Variants in POTEC observed in about 807,000 individuals in gnomAD.
POTEC encodes POTE ankyrin domain family member C, also known as ANKRD26-like family B member 2.
A neutral mutation model predicts 62.0 loss-of-function variants in POTEC; 35 were observed. The ratio of observed to expected loss-of-function variants is 0.56; its 90% CI spans 0.43 to 0.75. POTEC has a LOEUF of 0.75. POTEC is among the 30% of genes least tolerant of loss of function. The pLI is 0.00. For synonymous variants in POTEC, 156 were observed against 221.5 expected, an observed-to-expected ratio of 0.70 and a Z score of 2.62; for missense variants, 472 against 655.9, an observed-to-expected ratio of 0.72 and a Z score of 3.06.
At chr18:14,522,454 C>T (rs1454129952) in intron 8 of POTEC, 34 bp from the exon 9 acceptor site, 5 of 1,408,486 alleles carry the variant, frequency 3.5e-6, no homozygotes. Flanking sequence ...GGATGGTTAT[C>T]ACTTTATTGA....
chr18:14,517,625 G>C (rs1265004284), intron 9 of POTEC, among the ~76,000 whole-genome samples: 1 of 152,022 alleles, frequency 6.6e-6, no homozygotes, highest in Admixed American at 6.6e-5. Flanking sequence ...ACTTTGAAAG[G>C]CCGAAGTGGG....
At chr18:14,539,115 T>C (rs954381426) in intron 1 of POTEC, among the ~76,000 whole-genome samples, 1 of 152,136 alleles carries the variant, frequency 6.6e-6, no homozygotes, top group Non-Finnish European at 1.5e-5. Flanking sequence ...CAAAGAAAAC[T>C]TGAAATTCAA....
At position 14,539,289 on chromosome 18, in the gene POTEC, G is replaced by A. The variant is rs576587269; in HGVS notation, c.522-1040C>T. Reference sequence around the variant, plus strand: ...GGAGCTTTTTTCAACTTTTACATTCGGGGATACAGGTGCAGGATGTGCAGG... The same window carrying A: ...GGAGCTTTTTTCAACTTTTACATTCAGGGATACAGGTGCAGGATGTGCAGG... On this transcript the variant is annotated intron_variant, in intron 1 of 10. Transcript: ENST00000358970. Among the ~76,000 whole-genome samples, 877 of 150,912 alleles carry A rather than the reference G, an allele frequency of 5.8e-3. 4 individuals are homozygous for A. The highest frequency in any genetic ancestry group is 0.017 in the African/African-American group (685 of 40,534).
At chr18:14,514,031 T>A (rs1357193349) in intron 9 of POTEC, among the ~76,000 whole-genome samples, 2 of 151,058 alleles carry the variant, frequency 1.3e-5, no homozygotes, top group Admixed American at 1.3e-4. Context: ...TTCAAGCACA[T>A]TACATACATT....
chr18:14,522,171 T>A (rs1910328529), intron 9 of POTEC, 83 bp downstream of exon 9: 2 of 1,583,178 alleles, frequency 1.3e-6, no homozygotes, highest in African/African-American at 2.7e-5. Context: ...AGTATAAAAT[T>A]TGTTCATCAT....
intron 6 of POTEC, among the ~76,000 whole-genome samples, chr18:14,526,470 G>A (rs997069891): frequency 2.0e-5 from 3 of 152,010 alleles, no homozygotes; most frequent in African/African-American, 4.8e-5. Flanking sequence ...TACATGCTAG[G>A]TGTTAGGGTT....
At chr18:14,523,672 A>T (rs1910364565) in intron 7 of POTEC, among the ~76,000 whole-genome samples, 165 bp from the exon 8 acceptor site, 1 of 151,882 alleles carries the variant, frequency 6.6e-6, no homozygotes, top group Admixed American at 6.6e-5. Flanking sequence ...AAATAAATAA[A>T]TAATTAAAAT....
intron 1 of POTEC, among the ~76,000 whole-genome samples, chr18:14,540,214 T>C (rs1258533203): frequency 6.6e-6 from 1 of 151,820 alleles, no homozygotes; most frequent in African/African-American, 2.4e-5. Context: ...CTGAAGAGGG[T>C]AAAAGTTCAC....
At chr18:14,536,591 T>C (rs1905720749) in intron 3 of POTEC, among the ~76,000 whole-genome samples, 1 of 151,798 alleles carries the variant, frequency 6.6e-6, no homozygotes, top group Non-Finnish European at 1.5e-5. Flanking sequence ...TCTATCAAAA[T>C]CTTCAGGGGA....
At chr18:14,541,368 G>T (rs1156815809) in intron 1 of POTEC, among the ~76,000 whole-genome samples, 1 of 152,074 alleles carries the variant, frequency 6.6e-6, no homozygotes, top group African/African-American at 2.4e-5. Flanking sequence ...TATATATGCC[G>T]GTTTCAGAGG....
chr18:14,537,217 A>AC (rs1905766473), intron 3 of POTEC, among the ~76,000 whole-genome samples: 2 of 132,318 alleles, frequency 1.5e-5, no homozygotes, highest in African/African-American at 2.8e-5. Context: ...ACACAAAAAA[A>AC]AAAAAAAACA....
At chr18:14,537,212 A>ACACACACAC (rs1905763794) in intron 3 of POTEC, among the ~76,000 whole-genome samples, 1,768 of 60,062 alleles carry the variant, frequency 0.029, 11 homozygotes, top group Middle Eastern at 0.048. Context: ...CACACACACA[A>ACACACACAC]AAAAAAAAAA....
intron 4 of POTEC, among the ~76,000 whole-genome samples, chr18:14,533,918 G>GT (rs1905616949): frequency 4.7e-5 from 6 of 128,340 alleles, no homozygotes; most frequent in African/African-American, 1.5e-4. Context: ...TTTTGTTTTT[G>GT]TTTTGTTATT....
chr18:14,532,004 C>CCACA (rs1487231467), intron 5 of POTEC, among the ~76,000 whole-genome samples: 1 of 151,322 alleles, frequency 6.6e-6, no homozygotes, highest in Non-Finnish European at 1.5e-5. Context: ...AAGGGGCCAA[C>CCACA]CACAGCTGGG....
Position 14,507,364 on chromosome 18 carries a change from G to T in POTEC, c.*4534C>A, listed in dbSNP as rs966012781. 6.6e-6 allele frequency: 1 copy of T among 150,620 alleles called. No individual in the cohort carries two copies. Among genetic ancestry groups the T allele is most frequent in the Non-Finnish European group, 1.5e-5 (1 of 67,800 alleles). The allele number at this position is 150,620 out of a possible 1,614,324, so 9.3% of individuals were successfully genotyped here. A position where few individuals can be genotyped will look rare whatever the true frequency, so the allele number is the denominator to read the frequency against. ...TTTTTTTTTTTTTAAATCTTTATTG[G>T]TATAGTCTGTTTTGTCAGAAACTAG... On this transcript the variant is annotated 3_prime_UTR_variant, in exon 11 of 11. Coordinates refer to ENST00000358970, the MANE Select transcript of POTEC (RefSeq NM_001137671.2).
intron 6 of POTEC, among the ~76,000 whole-genome samples, chr18:14,529,392 G>A (rs1393479387): frequency 2.0e-5 from 3 of 152,062 alleles, no homozygotes; most frequent in Admixed American, 2.0e-4. Flanking sequence ...GCACAGAAAT[G>A]AAATAGAGAC....
At chr18:14,524,741 TTGC>T (rs1468527275) in intron 7 of POTEC, among the ~76,000 whole-genome samples, 169 bp downstream of exon 7, 1 of 151,910 alleles carries the variant, frequency 6.6e-6, no homozygotes, top group Non-Finnish European at 1.5e-5. Context: ...GTTAATGAGA[TTGC>T]TGAATTTATT....
At chr18:14,524,413 G>A (rs187636639) in intron 7 of POTEC, among the ~76,000 whole-genome samples, 5 of 152,220 alleles carry the variant, frequency 3.3e-5, no homozygotes, top group African/African-American at 7.2e-5. Flanking sequence ...ATCACTGGCC[G>A]TGATTATTCT....
chr18:14,537,721 C>G, intron 3 of POTEC, 80 bp downstream of exon 3: 1 of 1,500,004 alleles, frequency 6.7e-7, no homozygotes, highest in East Asian at 2.3e-5. Flanking sequence ...CTTCCAAATA[C>G]GGAAAACTGG....
Sources: gnomAD v4.1 joint callset for allele counts (sites outside exome capture counted in the v4.1 genomes callset) on GRCh38, gnomAD v4.1.1 for gene constraint, MANE v1.5 for transcripts, NCBI Gene and HGNC (gene_info 2026-07-23, HGNC 2026-07-21) for gene names.